Variants in CGNL1 observed in about 807,000 individuals in gnomAD.
CGNL1 encodes cingulin-like protein 1.
In CGNL1, 132 loss-of-function variants were observed where a neutral mutation model predicts 141.2. That is an observed-to-expected ratio of 0.93 (90% confidence interval 0.81 to 1.08). The LOEUF is 1.08. Among genes scored for constraint, CGNL1 ranks in the 50% least tolerant of loss-of-function variants. The pLI is 0.00. For synonymous variants in CGNL1, 690 were observed against 622.1 expected, an observed-to-expected ratio of 1.11 and a Z score of -1.63; for missense variants, 1,870 against 1,588.6, an observed-to-expected ratio of 1.18 and a Z score of -3.01.
chr15:57,439,622 G>C (rs1243027354), intron 2 of CGNL1, 21 bp downstream of exon 2: 2 of 1,600,678 alleles, frequency 1.2e-6, no homozygotes, highest in Non-Finnish European at 1.7e-6. Context: ...TGCGATTCCT[G>C]TTTGGTTTTT....
At chr15:57,441,854 G>A (rs1489668655) in intron 3 of CGNL1, among the ~76,000 whole-genome samples, 1 of 152,116 alleles carries the variant, frequency 6.6e-6, no homozygotes. Context: ...TGAAAGCCCA[G>A]ACAAAGGGCT....
At chr15:57,507,512 AG>A (rs1471930856) in intron 8 of CGNL1, among the ~76,000 whole-genome samples, 1 of 152,236 alleles carries the variant, frequency 6.6e-6, no homozygotes, top group East Asian at 1.9e-4. Flanking sequence ...GAGTTGCCAT[AG>A]GAAAAACTGG....
chr15:57,395,292 G>T (rs1380383041), intron 1 of CGNL1, among the ~76,000 whole-genome samples: 1 of 152,220 alleles, frequency 6.6e-6, no homozygotes, highest in Non-Finnish European at 1.5e-5. Flanking sequence ...TCCCAAATGA[G>T]TCCTCAATTC....
intron 8 of CGNL1, among the ~76,000 whole-genome samples, chr15:57,492,625 A>G (rs1417401152): frequency 2.0e-5 from 3 of 151,744 alleles, no homozygotes; most frequent in Non-Finnish European, 4.4e-5. Context: ...GGTGAATTAG[A>G]GATGTAGTCC....
At chr15:57,545,785 C>T in intron 17 of CGNL1, 85 bp downstream of exon 17, 1 of 1,147,390 alleles carries the variant, frequency 8.7e-7, no homozygotes, top group Non-Finnish European at 1.3e-6. Context: ...CCTCCCTGAG[C>T]AGGAGTGGAG....
intron 4 of CGNL1, among the ~76,000 whole-genome samples, chr15:57,443,233 G>C (rs2063212350): frequency 6.6e-6 from 1 of 152,170 alleles, no homozygotes; most frequent in South Asian, 2.1e-4. Context: ...CTGAATTTGA[G>C]TGGGGACATA....
chr15:57,480,943 C>T (rs2063717155), intron 8 of CGNL1, among the ~76,000 whole-genome samples: 1 of 152,042 alleles, frequency 6.6e-6, no homozygotes, highest in African/African-American at 2.4e-5. Flanking sequence ...ATTATTTCCC[C>T]CAAATCATTC....
At chr15:57,402,266 T>C (rs186705596) in intron 1 of CGNL1, among the ~76,000 whole-genome samples, 2 of 152,352 alleles carry the variant, frequency 1.3e-5, no homozygotes, top group African/African-American at 4.8e-5. Flanking sequence ...GGCACCTCTG[T>C]TGCTCCTGCT....
chr15:57,542,501 A>G (rs979353922), intron 14 of CGNL1, among the ~76,000 whole-genome samples: 41 of 152,088 alleles, frequency 2.7e-4, no homozygotes, highest in African/African-American at 9.7e-4. Context: ...AGGCGATGGG[A>G]TTTCTTCCCT....
intron 18 of CGNL1, among the ~76,000 whole-genome samples, chr15:57,546,922 G>A (rs1345831561): frequency 2.6e-5 from 4 of 152,110 alleles, no homozygotes; most frequent in Admixed American, 1.3e-4. Flanking sequence ...GTAAAACAGG[G>A]CCTATCAGGT....
chr15:57,377,672 T>A (rs2062380085), intron 1 of CGNL1, among the ~76,000 whole-genome samples: 1 of 152,218 alleles, frequency 6.6e-6, no homozygotes, highest in Middle Eastern at 3.2e-3. Context: ...TTTCTACCTC[T>A]CTGTTTACAG....
intron 8 of CGNL1, among the ~76,000 whole-genome samples, chr15:57,506,214 G>T (rs2064100048): frequency 6.6e-6 from 1 of 152,212 alleles, no homozygotes; most frequent in African/African-American, 2.4e-5. Flanking sequence ...TATTTTCCTA[G>T]TGACGCAGAG....
At chr15:57,512,813 G>A (rs1323516731) in intron 8 of CGNL1, among the ~76,000 whole-genome samples, 1 of 152,108 alleles carries the variant, frequency 6.6e-6, no homozygotes, top group Admixed American at 6.5e-5. Flanking sequence ...TTTACTGAAA[G>A]CTTTGGGCAG....
In CGNL1 at chr15:57,393,664, T is replaced by TGA. The variant is rs35449785; in HGVS notation, c.-16+17108_-16+17109dup. Among the ~76,000 whole-genome samples, 3 of 152,004 alleles carry TGA rather than the reference T, an allele frequency of 2.0e-5. No homozygotes were observed. The South Asian group carries it at 6.2e-4, about 32-fold the overall frequency. Reference sequence around the variant, plus strand: ...CAGAGTAGCCCCGAGTTAAATTTCTTGAGAGAGAGAGAAAGTGCATGTGTT... The same window carrying TGA: ...CAGAGTAGCCCCGAGTTAAATTTCTTGAGAGAGAGAGAGAAAGTGCATGTGTT... On this transcript the variant is annotated intron_variant, in intron 1 of 18. Transcript: ENST00000281282.
chr15:57,401,043 T>G (rs755769524), intron 1 of CGNL1, among the ~76,000 whole-genome samples: 10 of 152,100 alleles, frequency 6.6e-5, no homozygotes, highest in Non-Finnish European at 1.0e-4. Context: ...TTCTGTAACT[T>G]TATATTTTTT....
chr15:57,439,180 CT>C lies in CGNL1; in HGVS notation c.1185del (p.Phe395LeufsTer10). The C allele has an allele frequency of 2.5e-6, 4 of 1,614,166 alleles. No homozygotes were observed. The highest frequency in any genetic ancestry group is 3.4e-6 in the Non-Finnish European group (4 of 1,180,030). Reference protein sequence around the residue: ...KRSRSVDSAFPFGLQGNSEYL... With the variant: ...KRSRSVDSAFXFGLQGNSEYL... ...TCCAGAAGCGTGGATAGCGCCTTTC[CT>C]TTTGGCCTCCAAGGGAACTCGGAGT... On this transcript the variant is annotated frameshift_variant, in exon 2 of 19. Coordinates refer to ENST00000281282, the MANE Select transcript of CGNL1 (RefSeq NM_032866.5). LOFTEE classifies it high-confidence loss of function.
chr15:57,384,206 C>G (rs980003994), intron 1 of CGNL1, among the ~76,000 whole-genome samples: 9 of 152,102 alleles, frequency 5.9e-5, no homozygotes, highest in Admixed American at 6.5e-5. Flanking sequence ...GGCCTGAGTC[C>G]AACTTTCTGG....
intron 1 of CGNL1, among the ~76,000 whole-genome samples, chr15:57,427,605 A>T (rs1473369759): frequency 6.6e-6 from 1 of 152,212 alleles, no homozygotes; most frequent in East Asian, 1.9e-4. Context: ...ATTTTCCCTG[A>T]TTGGATCTGT....
rs572763971 is a variant in CGNL1, at chr15:57,449,310, T to C, written c.1804-2190T>C. Among the ~76,000 whole-genome samples the C allele has an allele frequency of 8.5e-5, 13 of 152,368 alleles. 1 individual carries two copies. Among genetic ancestry groups the C allele is most frequent in the African/African-American group, 2.9e-4 (12 of 41,586 alleles). ...CCTCTCTCATACCCTGACCTTGAAA[T>C]CCCTGTTGCTTACTATCTCTAAACT... On this transcript the variant is annotated intron_variant, in intron 4 of 18. Transcript: ENST00000281282.
Sources: gnomAD v4.1 joint callset for allele counts (sites outside exome capture counted in the v4.1 genomes callset) on GRCh38, gnomAD v4.1.1 for gene constraint, MANE v1.5 for transcripts, NCBI Gene and HGNC (gene_info 2026-07-23, HGNC 2026-07-21) for gene names.